The following GRM7 variants were observed in gnomAD, a reference collection of about 807,000 sequenced individuals.
GRM7 encodes the protein metabotropic glutamate receptor 7.
In GRM7, 35 loss-of-function variants were observed where a neutral mutation model predicts 84.5. The ratio of observed to expected loss-of-function variants is 0.41; its 90% CI spans 0.32 to 0.55. The LOEUF (loss-of-function observed/expected upper bound fraction) is 0.55. Ranked by LOEUF, GRM7 falls within the 20% of genes least tolerant of loss-of-function variation. GRM7 has a pLI of 0.19. For missense variants in GRM7, 1,003 were observed against 1,194.6 expected, an observed-to-expected ratio of 0.84 and a Z score of 2.36; for synonymous variants, 487 against 455.1, an observed-to-expected ratio of 1.07 and a Z score of -0.89.
At chr3:7,075,776 T>C (rs1234555188) in intron 1 of GRM7, among the ~76,000 whole-genome samples, 2 of 152,128 alleles carry the variant, frequency 1.3e-5, no homozygotes, top group Admixed American at 6.5e-5. Flanking sequence ...TCTGCCCGCC[T>C]CAGCCTGCCA....
intron 4 of GRM7, among the ~76,000 whole-genome samples, chr3:7,335,098 C>A (rs975104806): frequency 6.6e-6 from 1 of 152,084 alleles, no homozygotes; most frequent in Non-Finnish European, 1.5e-5. Context: ...TACTCAACAA[C>A]TATAGAATAT....
At chr3:6,970,466 C>A (rs2125092994) in intron 1 of GRM7, among the ~76,000 whole-genome samples, 1 of 152,174 alleles carries the variant, frequency 6.6e-6, no homozygotes, top group East Asian at 1.9e-4. Context: ...AAATACTCAC[C>A]TAGTTGTTGA....
At chr3:6,986,114 A>G (rs1027697936) in intron 1 of GRM7, among the ~76,000 whole-genome samples, 2 of 152,192 alleles carry the variant, frequency 1.3e-5, no homozygotes, top group Non-Finnish European at 2.9e-5. Context: ...GATCTGCTGT[A>G]CAATATAGTA....
intron 4 of GRM7, among the ~76,000 whole-genome samples, chr3:7,384,904 G>A (rs987433283): frequency 2.0e-5 from 3 of 152,180 alleles, no homozygotes; most frequent in Non-Finnish European, 4.4e-5. Flanking sequence ...CTTAAGAAAT[G>A]TGCTATGGAG....
At chr3:7,211,587 T>C (rs1415472507) in intron 2 of GRM7, among the ~76,000 whole-genome samples, 4 of 142,794 alleles carry the variant, frequency 2.8e-5, no homozygotes, top group African/African-American at 1.1e-4. Flanking sequence ...TTGAATTTTA[T>C]ATAAACCTAT....
intron 4 of GRM7, among the ~76,000 whole-genome samples, chr3:7,337,082 A>G (rs920222974): frequency 6.6e-6 from 1 of 152,162 alleles, no homozygotes; most frequent in Non-Finnish European, 1.5e-5. Context: ...ACATAGACCA[A>G]TGGAACAGAA....
intron 4 of GRM7, among the ~76,000 whole-genome samples, chr3:7,333,369 G>GCC (rs1323354961): frequency 2.0e-5 from 3 of 152,154 alleles, no homozygotes; most frequent in African/African-American, 7.2e-5. Flanking sequence ...TGTAGGGCTA[G>GCC]CCCCCAGAAG....
At chr3:6,996,394 G>A (rs1694832732) in intron 1 of GRM7, among the ~76,000 whole-genome samples, 2 of 152,072 alleles carry the variant, frequency 1.3e-5, no homozygotes, top group South Asian at 4.2e-4. Context: ...CCAAAGTGAA[G>A]GAAATCATTT....
chr3:7,022,326 GAA>G (rs34326639), intron 1 of GRM7, among the ~76,000 whole-genome samples: 2,611 of 144,446 alleles, frequency 0.018, 71 homozygotes, highest in African/African-American at 0.064. Flanking sequence ...CTCTGGCTCA[GAA>G]AAAAAAAAAT....
At chr3:7,511,510 CTG>C (rs1354524613) in intron 7 of GRM7, among the ~76,000 whole-genome samples, 2 of 150,196 alleles carry the variant, frequency 1.3e-5, no homozygotes, top group Admixed American at 6.6e-5. Context: ...TCATTACAGA[CTG>C]TGTTTGCATT....
Position 7,306,662 on chromosome 3 carries a change from T to A in GRM7, c.1033+10T>A, listed in dbSNP as rs778152508. On this transcript the variant is annotated intron_variant, in intron 4 of 9. Transcript: ENST00000357716. ...CGAGCCACGGTGGAAGGTATGGGTT[T>A]CATCAGCAGTAGGTTTGCTGAGAGA... 7.6e-6 allele frequency: 12 copies of A among 1,582,056 alleles called. No homozygotes were observed. In the Admixed American group the frequency reaches 2.2e-4, roughly 29 times the overall value.
intron 7 of GRM7, among the ~76,000 whole-genome samples, chr3:7,507,449 C>T (rs1022952549): frequency 2.0e-5 from 3 of 152,264 alleles, no homozygotes; most frequent in Middle Eastern, 3.4e-3. Flanking sequence ...TAATGGAAAA[C>T]GTTTCTTCTA....
At chr3:7,469,794 T>A (rs1698621853) in intron 7 of GRM7, among the ~76,000 whole-genome samples, 1 of 152,144 alleles carries the variant, frequency 6.6e-6, no homozygotes, top group African/African-American at 2.4e-5. Context: ...CAAAATATAT[T>A]TATAAATCAA....
chr3:6,886,334 G>A (rs576302625), intron 1 of GRM7, among the ~76,000 whole-genome samples: 10 of 152,150 alleles, frequency 6.6e-5, no homozygotes, highest in Non-Finnish European at 1.0e-4. Flanking sequence ...CCCACACACC[G>A]GGGCCTGTTT....
intron 7 of GRM7, among the ~76,000 whole-genome samples, chr3:7,468,972 C>G (rs902856750): frequency 1.3e-5 from 2 of 152,174 alleles, no homozygotes; most frequent in Admixed American, 1.3e-4. Flanking sequence ...CAGACTAATA[C>G]ACATGATCCA....
intron 7 of GRM7, among the ~76,000 whole-genome samples, chr3:7,477,830 G>C (rs539109515): frequency 2.0e-5 from 3 of 151,966 alleles, no homozygotes; most frequent in Non-Finnish European, 4.4e-5. Context: ...AATCACACAC[G>C]CATGTATTCA....
intron 8 of GRM7, among the ~76,000 whole-genome samples, chr3:7,643,784 A>G (rs2125106701): frequency 6.6e-6 from 1 of 152,278 alleles, no homozygotes; most frequent in East Asian, 1.9e-4. Flanking sequence ...ACAGTGCCTA[A>G]GTGTTTTACA....
chr3:7,315,756 CT>C (rs1700560135), intron 4 of GRM7, among the ~76,000 whole-genome samples: 1 of 152,068 alleles, frequency 6.6e-6, no homozygotes, highest in Non-Finnish European at 1.5e-5. Context: ...TCCTATTTGT[CT>C]TTTTCTTGAT....
At chr3:7,146,414 A>G (rs747767249) in intron 1 of GRM7, 38 bp from the exon 2 acceptor site, 1 of 1,417,848 alleles carries the variant, frequency 7.1e-7, no homozygotes, top group Admixed American at 1.7e-5. Flanking sequence ...TTACATCCTG[A>G]CGGTGCACTC....
Sources: allele counts gnomAD v4.1 joint callset (sites outside exome capture counted in the v4.1 genomes callset), GRCh38; gene constraint gnomAD v4.1.1; transcripts MANE v1.5; gene names NCBI Gene and HGNC (gene_info 2026-07-23, HGNC 2026-07-21).